STK35: variants seen among roughly 807,000 people sequenced by gnomAD.
STK35 encodes the protein serine/threonine-protein kinase 35.
Under a neutral mutation model 37.3 loss-of-function variants are expected in STK35, and 17 were observed. The observed-to-expected ratio is 0.46, with a 90% confidence interval of 0.31 to 0.68. The LOEUF (loss-of-function observed/expected upper bound fraction) is 0.68. Ranked by LOEUF, STK35 falls within the 30% of genes least tolerant of loss-of-function variation. The pLI, the probability that STK35 is intolerant of heterozygous loss-of-function variation, is 0.05. For synonymous variants in STK35, 385 were observed against 319.1 expected (o/e 1.21, Z -2.20); for missense variants, 595 against 746.7 (o/e 0.80, Z 2.37).
At position 2,117,275 on chromosome 20, in the gene STK35, G is replaced by C; in HGVS notation, c.1502G>C (p.Gly501Ala). The C allele has an allele frequency of 6.2e-7, 1 of 1,614,164 alleles. No homozygotes were observed. Among genetic ancestry groups the C allele is most frequent in the Non-Finnish European group, 8.5e-7 (1 of 1,180,036 alleles). ...AAACGCAGGACTTCCATGTCTGAGG[G>C]GATCAAGCAGCTCTTGAAAGATATG... ...PQKRRTSMSE[G>A]IKQLLKDMLA... Residue 501 changes from glycine to alanine, a missense_variant, in exon 3 of 4, where the codon GGG (glycine) becomes GCG (alanine). Around this residue, in one of 3 missense-constraint regions of STK35, gnomAD observed 109 missense variants for 280.3 expected, o/e 0.39. Transcript: ENST00000381482. This position sits in a 1 kb window ranked among gnomAD's most constrained non-coding sequence, Gnocchi z 4.4.
At chr20:2,131,539 C>G (rs1182461568) in intron 3 of STK35, among the ~76,000 whole-genome samples, 1 of 151,882 alleles carries the variant, frequency 6.6e-6, no homozygotes, top group Non-Finnish European at 1.5e-5. Flanking sequence ...GCTTGCAGGA[C>G]TAGAAGTTGC....
chr20:2,134,872 C>T (rs1465377129), intron 3 of STK35, among the ~76,000 whole-genome samples: 1 of 152,030 alleles, frequency 6.6e-6, no homozygotes, highest in Non-Finnish European at 1.5e-5. Context: ...GCCTGGGCAA[C>T]AGAGTGAGAC....
intron 3 of STK35, among the ~76,000 whole-genome samples, chr20:2,143,370 A>G (rs1314679690): frequency 6.6e-6 from 1 of 152,226 alleles, no homozygotes; most frequent in African/African-American, 2.4e-5. Context: ...AAACAGCACA[A>G]TTAATCACAG....
rs1357426635 is a variant in STK35, at chr20:2,117,788, A to G, written c.*37+373A>G. Among the ~76,000 whole-genome samples, 2 of 152,040 alleles carry G rather than the reference A, an allele frequency of 1.3e-5. No homozygotes were observed. On this transcript the variant is annotated intron_variant, in intron 3 of 3. Transcript: ENST00000381482. This position sits in a 1 kb window ranked among gnomAD's most constrained non-coding sequence, Gnocchi z 4.4. ...GCCCACTTCTTGGACCGGGTTCTTC[A>G]TTCTGGACCCTGGCATGGGCCCTGT...
At chr20:2,124,405 A>G (rs867405667) in intron 3 of STK35, among the ~76,000 whole-genome samples, 14 of 152,192 alleles carry the variant, frequency 9.2e-5, no homozygotes, top group Non-Finnish European at 1.8e-4. Context: ...GCTGATCCCT[A>G]CTTAGTCTTT....
intron 3 of STK35, among the ~76,000 whole-genome samples, chr20:2,140,086 C>G (rs1253197277): frequency 6.6e-6 from 1 of 152,194 alleles, no homozygotes; most frequent in African/African-American, 2.4e-5. Flanking sequence ...CTCCATTTCT[C>G]TGGGCCTGTT....
rs1401829195 is a variant in STK35, at chr20:2,143,968, TTTC to T, written c.*223_*225del. 6.8e-4 allele frequency: 278 copies of T among 411,718 alleles called. 9 individuals are homozygous for T. The highest frequency in any genetic ancestry group is 3.1e-3 in the East Asian group (40 of 13,022). 25.5% of individuals were successfully genotyped at this position (411,718 alleles called of 1,614,324 possible). ...TTTTCCTTTTCTTTTCTTTTTTTTT[TTTC>T]CTCTTTCCTTTTTTTAAATTTAAAC... On this transcript the variant is annotated 3_prime_UTR_variant, in exon 4 of 4. Transcript: ENST00000381482.
Position 2,117,994 on chromosome 20 carries a change from T to C in STK35, c.*37+579T>C, listed in dbSNP as rs1379456385. On this transcript the variant is annotated intron_variant, in intron 3 of 3. Transcript: ENST00000381482. The surrounding 1 kb of genome is among the most constrained non-coding windows in gnomAD (Gnocchi z 4.4). ...CTTTTTTTAGAAACGCTCTTTCTCA[T>C]CATTATAAATGCTCACTGTAGAAAA... 6.6e-6 allele frequency among the ~76,000 whole-genome samples: 1 copy of C among 152,224 alleles called. No homozygotes were observed. The highest frequency in any genetic ancestry group is 2.4e-5 in the African/African-American group (1 of 41,456).
chr20:2,114,367 A>G (rs1985675635), intron 2 of STK35, among the ~76,000 whole-genome samples: 1 of 152,064 alleles, frequency 6.6e-6, no homozygotes, highest in Non-Finnish European at 1.5e-5. Context: ...CCACTTGAGC[A>G]CAGGAGTTGG....
At chr20:2,120,580 T>C (rs988149646) in intron 3 of STK35, among the ~76,000 whole-genome samples, 1 of 152,246 alleles carries the variant, frequency 6.6e-6, no homozygotes, top group African/African-American at 2.4e-5. Flanking sequence ...TGTATCTGGC[T>C]GGTCAGAGAA....
chr20:2,129,298 G>A (rs1033515621), intron 3 of STK35, among the ~76,000 whole-genome samples: 1 of 152,102 alleles, frequency 6.6e-6, no homozygotes, highest in South Asian at 2.1e-4. Context: ...GTCTGCCTTC[G>A]TAAAGGGGGG....
chr20:2,130,392 GT>G (rs1985978919), intron 3 of STK35, among the ~76,000 whole-genome samples: 1 of 152,158 alleles, frequency 6.6e-6, no homozygotes, highest in Admixed American at 6.5e-5. Flanking sequence ...TTCTCATTAG[GT>G]TATGATGTGT....
intron 3 of STK35, among the ~76,000 whole-genome samples, chr20:2,137,719 A>T (rs1214558302): frequency 6.6e-6 from 1 of 152,126 alleles, no homozygotes; most frequent in Non-Finnish European, 1.5e-5. Flanking sequence ...GCCTTAGAGG[A>T]ATGATGCATC....
chr20:2,121,102 G>A (rs1985808662), intron 3 of STK35, among the ~76,000 whole-genome samples: 1 of 152,224 alleles, frequency 6.6e-6, no homozygotes, highest in Non-Finnish European at 1.5e-5. Flanking sequence ...TATAGGAAGA[G>A]ATAGATAACT....
intron 3 of STK35, among the ~76,000 whole-genome samples, chr20:2,127,446 ACT>A (rs1481091359): frequency 6.6e-6 from 1 of 151,780 alleles, no homozygotes; most frequent in Non-Finnish European, 1.5e-5. Flanking sequence ...ACAAGTAAAG[ACT>A]CTGTTGTTAG....
chr20:2,114,846 A>T lies in STK35; in HGVS notation c.893-1820A>T, dbSNP rs1023361362. Among the ~76,000 whole-genome samples, 3 of 152,204 alleles carry T rather than the reference A, an allele frequency of 2.0e-5. No homozygotes were observed. The South Asian group carries it at 6.2e-4, about 32-fold the overall frequency. On this transcript the variant is annotated intron_variant, in intron 2 of 3. Transcript: ENST00000381482. ...CCACCAGAAGTTTCAGTGTTTTCTG[A>T]TGTGGCCTTTGCAAAAGGAATTGGA...
At position 2,117,525 on chromosome 20, in the gene STK35, A is replaced by G. The variant is rs1237985775; in HGVS notation, c.*37+110A>G. The G allele has an allele frequency of 1.0e-5, 6 of 583,634 alleles. No homozygotes were observed. The Admixed American group carries it at 1.6e-4, about 16-fold the overall frequency. The allele number at this position is 583,634 out of a possible 1,614,324, so 36.2% of individuals were successfully genotyped here. A position where few individuals can be genotyped will look rare whatever the true frequency, so the allele number is the denominator to read the frequency against. ...AGTGGCAGGATCTCAGCTCACTGCA[A>G]CCTCCACCTCCCGAGTTCAAGTGAT... On this transcript the variant is annotated intron_variant, in intron 3 of 3. Transcript: ENST00000381482. This position sits in a 1 kb window ranked among gnomAD's most constrained non-coding sequence, Gnocchi z 4.4.
intron 2 of STK35, among the ~76,000 whole-genome samples, chr20:2,105,613 A>G (rs906792152): frequency 2.0e-5 from 3 of 152,186 alleles, no homozygotes; most frequent in Non-Finnish European, 2.9e-5. Context: ...TTATTGTAAG[A>G]TAGTGGGTAT....
chr20:2,130,282 G>C (rs1490040427), intron 3 of STK35, among the ~76,000 whole-genome samples: 3 of 152,088 alleles, frequency 2.0e-5, no homozygotes, highest in African/African-American at 4.8e-5. Context: ...GTTTTGCTGC[G>C]AACAAAGAGC....
Sources: gnomAD v4.1 joint callset for allele counts (sites outside exome capture counted in the v4.1 genomes callset) on GRCh38, gnomAD v4.1.1 for gene constraint, gnomAD v4.1.1 regional missense constraint, Gnocchi (gnomAD v3.1) non-coding constraint, MANE v1.5 for transcripts, NCBI Gene and HGNC (gene_info 2026-07-23, HGNC 2026-07-21) for gene names.